GRHL1: variants seen among roughly 807,000 people sequenced by gnomAD.
GRHL1 encodes the protein grainyhead like transcription factor 1, also known as grainyhead-like protein 1 homolog.
In GRHL1, 38 loss-of-function variants were observed where a neutral mutation model predicts 75.7. The ratio of observed to expected loss-of-function variants is 0.50; its 90% CI spans 0.39 to 0.66. The LOEUF (loss-of-function observed/expected upper bound fraction) is 0.66. Ranked by LOEUF, GRHL1 falls within the 30% of genes least tolerant of loss-of-function variation. The pLI is 0.00. For synonymous variants in GRHL1, 266 were observed against 279.4 expected, an observed-to-expected ratio of 0.95 and a Z score of 0.48; for missense variants, 589 against 767.5, an observed-to-expected ratio of 0.77 and a Z score of 2.75.
chr2:9,967,121 A>T (rs1667527764), intron 8 of GRHL1, among the ~76,000 whole-genome samples: 1 of 152,156 alleles, frequency 6.6e-6, no homozygotes, highest in Non-Finnish European at 1.5e-5. Context: ...CTCACTGAGA[A>T]ATTGTGGAGG....
rs1434370636 is a variant in GRHL1 at position 10,000,795 on chromosome 2, A to G, written c.*88A>G. 1.9e-5 allele frequency: 14 copies of G among 734,474 alleles called. No homozygotes were observed. The highest frequency in any genetic ancestry group is 3.2e-5 in the Non-Finnish European group (13 of 410,412). 45.5% of individuals were successfully genotyped at this position (734,474 alleles called of 1,614,324 possible). On this transcript the variant is annotated 3_prime_UTR_variant, in exon 16 of 16. Transcript: ENST00000324907. ...CAACTGCAGGTAACCCCAGTCAGCCATGTCGCCAGCACAGGTCTATGTCGA... is the reference window on the plus strand; with the variant it reads ...CAACTGCAGGTAACCCCAGTCAGCCGTGTCGCCAGCACAGGTCTATGTCGA...
At chr2:9,966,526 A>G (rs1667504201) in intron 8 of GRHL1, 2 of 152,234 alleles carry the variant, frequency 1.3e-5, no homozygotes, top group South Asian at 4.1e-4. Flanking sequence ...CCTGGTAGAA[A>G]GAAGTGATGT....
rs1176690094 is a variant in GRHL1 at position 9,965,070 on chromosome 2, A to G, written c.1016-217A>G. The G allele has an allele frequency of 6.6e-6, 3 of 451,658 alleles. No individual in the cohort carries two copies. In the East Asian group the frequency reaches 9.9e-5, roughly 15 times the overall value. 28.0% of individuals were successfully genotyped at this position (451,658 alleles called of 1,614,324 possible). A position where few individuals can be genotyped will look rare whatever the true frequency, so the allele number is the denominator to read the frequency against. ...ACTTAAATTTCCTAATTGTGACATA[A>G]TGAGATTGAATTAAATATGTCTAAG... On this transcript the variant is annotated intron_variant, in intron 7 of 15. Transcript: ENST00000324907.
intron 5 of GRHL1, among the ~76,000 whole-genome samples, 169 bp from the exon 6 acceptor site, chr2:9,963,717 G>A (rs1048052272): frequency 1.3e-5 from 2 of 152,086 alleles, no homozygotes; most frequent in Admixed American, 6.5e-5. Context: ...ATTTTTAATC[G>A]GCAATTTGTA....
intron 8 of GRHL1, among the ~76,000 whole-genome samples, chr2:9,972,721 T>G (rs536933003): frequency 6.6e-6 from 1 of 152,296 alleles, no homozygotes; most frequent in East Asian, 1.9e-4. Context: ...CACACCTGCA[T>G]CCAGTTCTGC....
chr2:9,975,642 C>G (rs1278668417), intron 8 of GRHL1, among the ~76,000 whole-genome samples: 1 of 152,022 alleles, frequency 6.6e-6, no homozygotes, highest in Non-Finnish European at 1.5e-5. Flanking sequence ...CTTTGGGAGG[C>G]CGAGACGGGT....
intron 9 of GRHL1, among the ~76,000 whole-genome samples, chr2:9,988,013 A>G (rs1034887456): frequency 6.6e-6 from 1 of 152,168 alleles, no homozygotes; most frequent in African/African-American, 2.4e-5. Flanking sequence ...TGCATCAGGT[A>G]CACAAAGCAC....
chr2:9,975,282 C>G (rs1667899900), intron 8 of GRHL1, among the ~76,000 whole-genome samples: 1 of 152,202 alleles, frequency 6.6e-6, no homozygotes, highest in Non-Finnish European at 1.5e-5. Flanking sequence ...GTACCTGCAG[C>G]TTCTGTAACA....
chr2:9,960,625 T>A, intron 3 of GRHL1: 1 of 165,224 alleles, frequency 6.1e-6, no homozygotes, highest in Non-Finnish European at 1.3e-5. Flanking sequence ...GTCCCCATTT[T>A]GCAGATGAGG....
At chr2:9,988,625 CA>C (rs1668520738) in intron 9 of GRHL1, among the ~76,000 whole-genome samples, 2 of 152,134 alleles carry the variant, frequency 1.3e-5, no homozygotes, top group Non-Finnish European at 2.9e-5. Flanking sequence ...TCTGTCTCCT[CA>C]AACCTGGGCA....
intron 12 of GRHL1, among the ~76,000 whole-genome samples, chr2:9,993,845 G>A (rs6721359): frequency 0.22 from 34,138 of 152,194 alleles, 4,228 homozygotes; most frequent in African/African-American, 0.33. Context: ...AGTGTTGTCT[G>A]GGGAGGTGCA....
At chr2:9,978,158 T>G (rs767989159) in intron 8 of GRHL1, among the ~76,000 whole-genome samples, 4 of 152,088 alleles carry the variant, frequency 2.6e-5, no homozygotes, top group Non-Finnish European at 4.4e-5. Flanking sequence ...CAATTCAAGA[T>G]GAGATTTGGG....
Position 9,964,054 on chromosome 2 carries a change from T to C in GRHL1, c.903+12T>C. 1.2e-6 allele frequency: 2 copies of C among 1,610,684 alleles called. No individual in the cohort carries two copies. Among genetic ancestry groups the C allele is most frequent in the Non-Finnish European group, 1.7e-6 (2 of 1,177,342 alleles). ...TCAGCAAAGTTCGAGTAAGTTCTGCTCTTAGTCCTGTTCTCTAGGAAAGCT... is the reference window on the plus strand; with the variant it reads ...TCAGCAAAGTTCGAGTAAGTTCTGCCCTTAGTCCTGTTCTCTAGGAAAGCT... On this transcript the variant is annotated intron_variant, in intron 6 of 15. Coordinates refer to ENST00000324907, the MANE Select transcript of GRHL1 (RefSeq NM_198182.3).
intron 8 of GRHL1, among the ~76,000 whole-genome samples, chr2:9,984,609 C>CAGGAG (rs140086292): frequency 0.026 from 3,985 of 152,152 alleles, 171 homozygotes; most frequent in African/African-American, 0.09. Context: ...ATTTGGAGCC[C>CAGGAG]AGGAGAGAAG....
Position 9,995,922 on chromosome 2 carries a change from G to GCTC in GRHL1, c.1545_1546insCCT (p.Ala515_Val516insPro), listed in dbSNP as rs779819664. 6.2e-7 allele frequency: 1 copy of GCTC among 1,613,306 alleles called. No individual in the cohort carries two copies. The highest frequency in any genetic ancestry group is 1.3e-5 in the African/African-American group (1 of 74,928). On this transcript the variant is annotated inframe_insertion, in exon 13 of 16. Transcript: ENST00000324907. ...GCCGTACGGCACAGAAGATGACTTT[G>GCTC]CTGTCCCTCCTTCTACCAAGCTGGC...
intron 5 of GRHL1, 145 bp downstream of exon 5, chr2:9,962,676 C>T (rs1667326593): frequency 1.0e-5 from 6 of 597,560 alleles, no homozygotes; most frequent in Non-Finnish European, 1.8e-5. Flanking sequence ...GGGTAGAGGA[C>T]ATCTGCTTCA....
At chr2:9,956,565 C>T (rs1025736403) in intron 2 of GRHL1, among the ~76,000 whole-genome samples, 2 of 151,996 alleles carry the variant, frequency 1.3e-5, no homozygotes, top group Non-Finnish European at 2.9e-5. Flanking sequence ...AGTATGAGGC[C>T]ATGCGTCTAA....
chr2:9,952,326 C>A (rs1666825431), intron 1 of GRHL1, among the ~76,000 whole-genome samples: 1 of 152,208 alleles, frequency 6.6e-6, no homozygotes, highest in Non-Finnish European at 1.5e-5. Context: ...CGTCACTCGG[C>A]GACCTGCTGG....
intron 7 of GRHL1, 51 bp from the exon 8 acceptor site, chr2:9,965,236 T>C: frequency 1.1e-6 from 1 of 917,998 alleles, no homozygotes; most frequent in Non-Finnish European, 1.8e-6. Flanking sequence ...GGATCCCATG[T>C]TGAAACTAAG....
Sources: gnomAD v4.1 joint callset for allele counts (sites outside exome capture counted in the v4.1 genomes callset) on GRCh38, gnomAD v4.1.1 for gene constraint, MANE v1.5 for transcripts, NCBI Gene and HGNC (gene_info 2026-07-23, HGNC 2026-07-21) for gene names.